The following XIRP2 variants were observed in gnomAD, a reference collection of about 807,000 sequenced individuals.
XIRP2 encodes the protein xin actin binding repeat containing 2, also known as xin actin-binding repeat-containing protein 2.
Under a neutral mutation model 277.0 loss-of-function variants are expected in XIRP2, and 236 were observed. That is an observed-to-expected ratio of 0.85 (90% confidence interval 0.77 to 0.95). XIRP2 has a LOEUF of 0.95. Ranked by LOEUF, XIRP2 falls within the 40% of genes least tolerant of loss-of-function variation. XIRP2 has a pLI of 0.00. For missense variants in XIRP2, 4,640 were observed against 4,157.5 expected (o/e 1.12, Z -3.19); for synonymous variants, 1,490 against 1,416.5 (o/e 1.05, Z -1.17).
intron 2 of XIRP2, among the ~76,000 whole-genome samples, chr2:167,117,063 C>T (rs1690915325): frequency 6.6e-6 from 1 of 152,088 alleles, no homozygotes; most frequent in Admixed American, 6.6e-5. Flanking sequence ...GAAAATGCCT[C>T]TTGATATGAT....
chr2:167,191,988 G>A (rs1028777710), intron 3 of XIRP2, among the ~76,000 whole-genome samples: 1 of 152,102 alleles, frequency 6.6e-6, no homozygotes, highest in Non-Finnish European at 1.5e-5. Context: ...ATATCTGCAT[G>A]TATATTTGTA....
At chr2:167,114,588 C>A (rs191773829) in intron 2 of XIRP2, among the ~76,000 whole-genome samples, 26 of 151,942 alleles carry the variant, frequency 1.7e-4, no homozygotes, top group African/African-American at 6.0e-4. Flanking sequence ...AAAGCTATCC[C>A]TCCCCCTTCC....
At chr2:167,166,935 T>C (rs1458913054) in intron 3 of XIRP2, among the ~76,000 whole-genome samples, 1 of 152,154 alleles carries the variant, frequency 6.6e-6, no homozygotes, top group East Asian at 1.9e-4. Flanking sequence ...TACAGGATTG[T>C]TGAAGTTTCC....
At chr2:166,895,491 T>A (rs190439361) in intron 1 of XIRP2, among the ~76,000 whole-genome samples, 1 of 152,222 alleles carries the variant, frequency 6.6e-6, no homozygotes, top group African/African-American at 2.4e-5. Context: ...CAACAACAGG[T>A]CTCTGGATCC....
chr2:167,006,349 G>GACT (rs1217842587), intron 2 of XIRP2, among the ~76,000 whole-genome samples: 1 of 151,704 alleles, frequency 6.6e-6, no homozygotes, highest in African/African-American at 2.4e-5. Context: ...GTAATGTGTA[G>GACT]AGGATCCAAA....
At chr2:167,232,953 C>T (rs1694802915) in intron 5 of XIRP2, among the ~76,000 whole-genome samples, 1 of 151,834 alleles carries the variant, frequency 6.6e-6, no homozygotes, top group South Asian at 2.1e-4. Context: ...CATTATTTTG[C>T]ACTCAAGGAG....
chr2:167,218,070 G>A (rs1490573710), intron 4 of XIRP2, 96 bp from the exon 5 acceptor site: 2 of 1,067,872 alleles, frequency 1.9e-6, no homozygotes, highest in Non-Finnish European at 1.3e-6. Flanking sequence ...TTAAGATACT[G>A]TCTATCAATA....
intron 3 of XIRP2, among the ~76,000 whole-genome samples, chr2:167,190,837 C>T (rs1693307770): frequency 6.6e-6 from 1 of 152,110 alleles, no homozygotes; most frequent in Non-Finnish European, 1.5e-5. Context: ...TAAAAATAAC[C>T]TACCAGTGAG....
In XIRP2 at chr2:166,936,311, A is replaced by G. The variant is rs564518513; in HGVS notation, c.408+32421A>G. ...GAGTTCTTTGTAGATTCTGGATATT[A>G]GCCCTTTGTCAGATGAGTAGATTGC... On this transcript the variant is annotated intron_variant, in intron 2 of 10. Coordinates refer to ENST00000409195, the MANE Select transcript of XIRP2 (RefSeq NM_152381.6). Among the ~76,000 whole-genome samples the G allele has an allele frequency of 1.1e-3, 171 of 152,308 alleles. 1 individual carries two copies. Among genetic ancestry groups the G allele is most frequent in the Non-Finnish European group, 1.3e-3 (87 of 68,024 alleles).
At chr2:166,983,489 A>G (rs1439603035) in intron 2 of XIRP2, among the ~76,000 whole-genome samples, 1 of 152,202 alleles carries the variant, frequency 6.6e-6, no homozygotes, top group South Asian at 2.1e-4. Flanking sequence ...TATCTAGATT[A>G]CTACCTAATT....
chr2:167,011,353 T>G (rs1327347657), intron 2 of XIRP2, among the ~76,000 whole-genome samples: 2 of 151,604 alleles, frequency 1.3e-5, no homozygotes, highest in African/African-American at 4.9e-5. Flanking sequence ...TCTTTGGTTC[T>G]GTTTATATGC....
At chr2:167,146,155 T>A (rs1307848333) in intron 3 of XIRP2, among the ~76,000 whole-genome samples, 1 of 152,056 alleles carries the variant, frequency 6.6e-6, no homozygotes, top group Non-Finnish European at 1.5e-5. Context: ...TACAACTAAT[T>A]GTATATTGCT....
chr2:167,163,592 T>C (rs1692431946), intron 3 of XIRP2, among the ~76,000 whole-genome samples: 2 of 152,234 alleles, frequency 1.3e-5, no homozygotes, highest in Non-Finnish European at 2.9e-5. Context: ...TGCAAATATT[T>C]CTTTCTAGTC....
At chr2:166,998,315 A>ATG (rs1457046376) in intron 2 of XIRP2, among the ~76,000 whole-genome samples, 7 of 152,102 alleles carry the variant, frequency 4.6e-5, no homozygotes, top group African/African-American at 1.7e-4. Context: ...GGTTAAGGTG[A>ATG]CTCCAAGATG....
At chr2:167,026,985 G>T (rs987406698) in intron 2 of XIRP2, among the ~76,000 whole-genome samples, 1 of 151,824 alleles carries the variant, frequency 6.6e-6, no homozygotes, top group Non-Finnish European at 1.5e-5. Flanking sequence ...ATGTGTCTTG[G>T]TGTTGCTCTT....
chr2:166,911,221 T>G (rs976118384), intron 2 of XIRP2, among the ~76,000 whole-genome samples: 5 of 152,182 alleles, frequency 3.3e-5, no homozygotes, highest in South Asian at 2.1e-4. Context: ...GGTTTTAAAG[T>G]CTCCCATTAT....
At position 167,235,745 on chromosome 2, in the gene XIRP2, G is replaced by A. The variant is rs559887383; in HGVS notation, c.859-4110G>A. ...TCTTTAAGAGGGTATAATGAATGTG[G>A]AAAAGCCTTTACATAAAGCTCACAC... On this transcript the variant is annotated intron_variant, in intron 5 of 10. Coordinates refer to ENST00000409195, the MANE Select transcript of XIRP2 (RefSeq NM_152381.6). Among the ~76,000 whole-genome samples the A allele has an allele frequency of 1.7e-4, 26 of 151,964 alleles. No individual in the cohort carries two copies. In the South Asian group the frequency reaches 3.9e-3, roughly 23 times the overall value.
In XIRP2 at chr2:167,126,076, C is replaced by G. The variant is rs191284792; in HGVS notation, c.409-9833C>G. Among the ~76,000 whole-genome samples the G allele has an allele frequency of 1.1e-4, 16 of 152,190 alleles. No homozygotes were observed. The East Asian group carries it at 3.1e-3, about 29-fold the overall frequency. ...CGTGGTGATGGCTTCTGAGAGGGAG[C>G]CTCCCAAAAATGAGAGTCCTGAGAG... On this transcript the variant is annotated intron_variant, in intron 2 of 10. Coordinates refer to ENST00000409195, the MANE Select transcript of XIRP2 (RefSeq NM_152381.6).
intron 3 of XIRP2, among the ~76,000 whole-genome samples, chr2:167,195,040 T>A (rs1247055102): frequency 6.6e-6 from 1 of 152,050 alleles, no homozygotes; most frequent in Non-Finnish European, 1.5e-5. Context: ...TGCAACACAC[T>A]AAAAACCGTT....
Sources: gnomAD v4.1 joint callset for allele counts (sites outside exome capture counted in the v4.1 genomes callset) on GRCh38, gnomAD v4.1.1 for gene constraint, MANE v1.5 for transcripts, NCBI Gene and HGNC (gene_info 2026-07-23, HGNC 2026-07-21) for gene names.